Variants in BRCA1 observed in about 807,000 individuals in gnomAD.
BRCA1 encodes the protein breast cancer type 1 susceptibility protein.
In BRCA1, 140 loss-of-function variants were observed where a neutral mutation model predicts 173.7. The observed-to-expected ratio is 0.81, with a 90% CI of 0.70 to 0.93. The LOEUF is 0.93. BRCA1 is among the 40% of genes least tolerant of loss of function. BRCA1 has a pLI of 0.00. For missense variants in BRCA1, 1,983 were observed against 2,172.5 expected, an observed-to-expected ratio of 0.91 and a Z score of 1.73; for synonymous variants, 662 against 756.0, an observed-to-expected ratio of 0.88 and a Z score of 2.04.
chr17:43,147,644 AAT>A (rs1433366089), intron 1 of BRCA1, among the ~76,000 whole-genome samples: 3 of 152,216 alleles, frequency 2.0e-5, no homozygotes, highest in African/African-American at 4.8e-5. Flanking sequence ...GTATAAAAGG[AAT>A]AGAGTGGGGG....
upstream of BRCA1, among the ~76,000 whole-genome samples, chr17:43,130,345 C>T (rs1478043506): frequency 1.3e-5 from 2 of 152,098 alleles, no homozygotes; most frequent in African/African-American, 2.4e-5. Context: ...GACAGAGTCT[C>T]GCTCTATCAC....
At chr17:43,169,883 C>A in intron 1 of BRCA1, 2 of 393,752 alleles carry the variant, frequency 5.1e-6, no homozygotes, top group South Asian at 4.0e-5. Context: ...TTTTTTTCCC[C>A]CCCTCTACAC....
intron 1 of BRCA1, among the ~76,000 whole-genome samples, chr17:43,143,050 A>G (rs2056090569): frequency 1.3e-5 from 2 of 149,424 alleles, no homozygotes; most frequent in Non-Finnish European, 3.0e-5. Flanking sequence ...ATATGTATAT[A>G]TGTGTATATA....
chr17:43,074,526 A>G lies in BRCA1; in HGVS notation c.4485-5T>C, dbSNP rs2154024959. ...GGGCATTTAGAAGGGGATGACCTAG[A>G]AAGATAAATGGAAGGAGAAAACCAT... On this transcript the variant is annotated splice_region_variant and splice_polypyrimidine_tract_variant and intron_variant, in intron 13 of 22. Transcript: ENST00000357654. The G allele has an allele frequency of 1.2e-6, 2 of 1,612,700 alleles. No homozygotes were observed. Among genetic ancestry groups the G allele is most frequent in the South Asian group, 2.2e-5 (2 of 91,036 alleles).
chr17:43,058,545 C>T (rs945203877), intron 18 of BRCA1, among the ~76,000 whole-genome samples: 6 of 152,286 alleles, frequency 3.9e-5, no homozygotes, highest in African/African-American at 1.4e-4. Context: ...CTTTTGTGTG[C>T]AGAACTTAAC....
chr17:43,053,694 G>C (rs2153216659), intron 19 of BRCA1, among the ~76,000 whole-genome samples: 1 of 152,012 alleles, frequency 6.6e-6, no homozygotes, highest in South Asian at 2.1e-4. Flanking sequence ...TGAAGTTTCA[G>C]GCCGGGCGCG....
chr17:43,058,347 C>G (rs920959068), intron 18 of BRCA1, among the ~76,000 whole-genome samples: 2 of 151,958 alleles, frequency 1.3e-5, no homozygotes, highest in African/African-American at 4.8e-5. Flanking sequence ...ACACTCCCGC[C>G]TGGGTGACAA....
At chr17:43,166,664 G>C (rs1303381858) in intron 1 of BRCA1, 1 of 152,116 alleles carries the variant, frequency 6.6e-6, no homozygotes, top group East Asian at 1.9e-4. Context: ...CAAAGAACCG[G>C]TAAAAAGGGC....
intron 1 of BRCA1, 84 bp downstream of exon 1, chr17:43,125,187 T>A (rs2055820469): frequency 2.2e-6 from 1 of 448,488 alleles, no homozygotes; most frequent in South Asian, 1.6e-5. Flanking sequence ...AATACCCATC[T>A]GTCAGCTTCG....
intron 1 of BRCA1, among the ~76,000 whole-genome samples, chr17:43,165,007 A>C (rs1451472558): frequency 6.6e-6 from 1 of 152,208 alleles, no homozygotes; most frequent in African/African-American, 2.4e-5. Context: ...TTTTAAACCA[A>C]AGAAAGCCAA....
chr17:43,088,969 C>G (rs2053337372), intron 11 of BRCA1, among the ~76,000 whole-genome samples: 1 of 152,100 alleles, frequency 6.6e-6, no homozygotes, highest in Non-Finnish European at 1.5e-5. Context: ...CTGAGATGAG[C>G]CTGAATTTTT....
rs864622080 is a variant in BRCA1 at position 43,091,958 on chromosome 17, G to A, written c.3573C>T (p.Ser1191=). 2 of 1,613,974 alleles carry A rather than the reference G, an allele frequency of 1.2e-6. No homozygotes were observed. Among genetic ancestry groups the A allele is most frequent in the Admixed American group, 3.3e-5 (2 of 59,984 alleles). Residue 1191 remains serine (S), a synonymous_variant, in exon 10 of 23, where the codon AGC becomes AGT. Transcript: ENST00000357654. ...GAGCCAAATGTGTATGGGTGAAAGGGCTAGGACTCCTGCTAAGCTCTCCTT... is the reference window on the plus strand; with the variant it reads ...GAGCCAAATGTGTATGGGTGAAAGGACTAGGACTCCTGCTAAGCTCTCCTT... The part of the protein sequence containing the change: ...VQKGELSRSP[S]PFTHTHLAQG...
At chr17:43,050,890 G>C (rs1306948426) in intron 20 of BRCA1, among the ~76,000 whole-genome samples, 173 bp downstream of exon 20, 1 of 151,316 alleles carries the variant, frequency 6.6e-6, no homozygotes, top group Non-Finnish European at 1.5e-5. Flanking sequence ...GTTTTTTTTT[G>C]CCATAGGATA....
intron 6 of BRCA1, among the ~76,000 whole-genome samples, chr17:43,102,773 T>C (rs2154545739): frequency 6.6e-6 from 1 of 151,380 alleles, no homozygotes; most frequent in African/African-American, 2.4e-5. Flanking sequence ...CTGTCTCAGC[T>C]TCCCAAGTAG....
At chr17:43,096,376 C>CAAAAAAAAAAAAAAAA (rs71160005) in intron 8 of BRCA1, among the ~76,000 whole-genome samples, 1 of 74,208 alleles carries the variant, frequency 1.3e-5, no homozygotes. Context: ...GACTCTGTCT[C>CAAAAAAAAAAAAAAAA]AAAAAAAAAA....
chr17:43,130,298 G>A (rs1268751286), upstream of BRCA1, among the ~76,000 whole-genome samples: 3 of 152,050 alleles, frequency 2.0e-5, no homozygotes, highest in Non-Finnish European at 4.4e-5. Context: ...ACAGGCATGA[G>A]CCACCACACC....
intron 11 of BRCA1, among the ~76,000 whole-genome samples, chr17:43,088,093 T>G (rs1301043325): frequency 6.6e-6 from 1 of 152,200 alleles, no homozygotes; most frequent in Non-Finnish European, 1.5e-5. Flanking sequence ...CAAGCACCCC[T>G]GTGCACACAC....
At position 43,083,822 on chromosome 17, in the gene BRCA1, T is replaced by A. The variant is rs8176182; in HGVS notation, c.4186-1247A>T. 8.2e-3 allele frequency among the ~76,000 whole-genome samples: 1,249 copies of A among 152,274 alleles called. 17 individuals are homozygous for A. Among genetic ancestry groups the A allele is most frequent in the African/African-American group, 0.028 (1,175 of 41,554 alleles). On this transcript the variant is annotated intron_variant, in intron 11 of 22. Transcript: ENST00000357654. ...GTATTTGATAAACAAAGAATTTAGGTATGTAAGGAGTTTTCCAAAATATCC... is the reference window on the plus strand; with the variant it reads ...GTATTTGATAAACAAAGAATTTAGGAATGTAAGGAGTTTTCCAAAATATCC...
chr17:43,074,197 G>T, intron 14 of BRCA1, 134 bp downstream of exon 14: 1 of 778,448 alleles, frequency 1.3e-6, no homozygotes, highest in Non-Finnish European at 2.0e-6. Context: ...TTTTTCTAAA[G>T]TGGGCTTAAT....
Sources: allele counts gnomAD v4.1 joint callset (sites outside exome capture counted in the v4.1 genomes callset), GRCh38; gene constraint gnomAD v4.1.1; transcripts MANE v1.5; gene names NCBI Gene and HGNC (gene_info 2026-07-23, HGNC 2026-07-21).